The following LEPR variants were observed in gnomAD, a reference collection of about 807,000 sequenced individuals.
LEPR encodes the protein leptin receptor, also known as OB receptor.
In LEPR, 56 loss-of-function variants were observed where a neutral mutation model predicts 114.7. The ratio of observed to expected loss-of-function variants is 0.49; its 90% CI spans 0.39 to 0.61. The LOEUF (loss-of-function observed/expected upper bound fraction) is 0.61, where lower values mean the gene tolerates loss of function less well. Ranked by LOEUF, LEPR falls within the 20% of genes least tolerant of loss-of-function variation. LEPR has a pLI of 0.00. For missense variants in LEPR, 1,202 were observed against 1,352.9 expected (o/e 0.89, Z 1.75); for synonymous variants, 443 against 461.4 (o/e 0.96, Z 0.51).
intron 12 of LEPR, among the ~76,000 whole-genome samples, chr1:65,609,247 TAAAG>T: frequency 6.6e-6 from 1 of 152,332 alleles, no homozygotes; most frequent in South Asian, 2.1e-4. Context: ...GGTCCTTCAT[TAAAG>T]AAAAATTTGT....
chr1:65,637,506 AG>A lies in LEPR; in HGVS notation c.*495del, dbSNP rs1453861188. ...ATAAACAGAATTCAGCCCTGGCCTA[AG>A]GGGTTATACTTGTGAAGACTAATGA... is the stretch of plus-strand genomic sequence containing the variant. On this transcript the variant is annotated 3_prime_UTR_variant, in exon 20 of 20. Transcript: ENST00000349533. The A allele has an allele frequency of 6.4e-6, 1 of 156,280 alleles. No homozygotes were observed. Among genetic ancestry groups the A allele is most frequent in the Admixed American group, 6.2e-5 (1 of 16,132 alleles). 9.7% of individuals were successfully genotyped at this position (156,280 alleles called of 1,614,324 possible). A position where few individuals can be genotyped will look rare whatever the true frequency, so the allele number is the denominator to read the frequency against.
intron 2 of LEPR, among the ~76,000 whole-genome samples, chr1:65,447,663 C>T (rs1049461268): frequency 2.0e-5 from 3 of 151,428 alleles, no homozygotes; most frequent in Non-Finnish European, 4.4e-5. Context: ...CCCTTGAGTA[C>T]CTGGGACTAC....
rs1646535277 is a variant in LEPR, at chr1:65,434,732, G to C, written c.-21+9354G>C. ...CACCTCCTAATGCCCTTGAGATCCA[G>C]GTACACTCCTGGGAGTTTTGTTCAC... On this transcript the variant is annotated intron_variant, in intron 2 of 19. Transcript: ENST00000349533. 5 of 985,278 alleles carry C rather than the reference G, an allele frequency of 5.1e-6. No individual in the cohort carries two copies. In the South Asian group the frequency reaches 1.9e-4, roughly 37 times the overall value. 61.0% of individuals were successfully genotyped at this position (985,278 alleles called of 1,614,324 possible). A position where few individuals can be genotyped will look rare whatever the true frequency, so the allele number is the denominator to read the frequency against.
At chr1:65,616,912 G>A (rs1269915643) in intron 15 of LEPR, among the ~76,000 whole-genome samples, 1 of 152,038 alleles carries the variant, frequency 6.6e-6, no homozygotes, top group Non-Finnish European at 1.5e-5. Context: ...TTTGCTTATT[G>A]CTTTAATTGA....
chr1:65,514,136 T>A (rs112251099), intron 2 of LEPR, among the ~76,000 whole-genome samples: 1 of 152,252 alleles, frequency 6.6e-6, no homozygotes, highest in Non-Finnish European at 1.5e-5. Context: ...TCCAATTGAC[T>A]TGCCTTTCAA....
At chr1:65,598,872 T>G in intron 8 of LEPR, 68 bp downstream of exon 8, 2 of 1,605,992 alleles carry the variant, frequency 1.2e-6, no homozygotes, top group African/African-American at 2.7e-5. Flanking sequence ...TTGTATAGTA[T>G]AAGCATCTTA....
intron 2 of LEPR, among the ~76,000 whole-genome samples, chr1:65,443,552 A>G (rs1236470802): frequency 3.3e-5 from 5 of 151,952 alleles, no homozygotes; most frequent in South Asian, 2.1e-4. Context: ...CTCTAAATAT[A>G]TAAAAAGATA....
intron 2 of LEPR, among the ~76,000 whole-genome samples, chr1:65,534,913 A>C (rs951857582): frequency 6.6e-6 from 1 of 152,322 alleles, no homozygotes; most frequent in Admixed American, 6.5e-5. Context: ...GTGGAGGACA[A>C]CTTAGTTTTT....
chr1:65,548,507 A>C (rs1219188406), intron 2 of LEPR, among the ~76,000 whole-genome samples: 6 of 152,098 alleles, frequency 3.9e-5, no homozygotes, highest in Non-Finnish European at 8.8e-5. Flanking sequence ...TTGGGTGCAT[A>C]TATATTTAAG....
intron 2 of LEPR, among the ~76,000 whole-genome samples, chr1:65,529,416 G>A (rs1042720189): frequency 6.6e-6 from 1 of 151,948 alleles, no homozygotes; most frequent in Admixed American, 6.6e-5. Flanking sequence ...CAGCTACTCC[G>A]GAGGCTGAGG....
At chr1:65,614,307 AAT>A (rs1657393689) in intron 14 of LEPR, among the ~76,000 whole-genome samples, 1 of 152,228 alleles carries the variant, frequency 6.6e-6, no homozygotes, top group Admixed American at 6.5e-5. Flanking sequence ...AGTGAATCTT[AAT>A]GCATGTAGAT....
chr1:65,631,655 A>G (rs1445739061), intron 19 of LEPR, among the ~76,000 whole-genome samples: 1 of 152,100 alleles, frequency 6.6e-6, no homozygotes, highest in Non-Finnish European at 1.5e-5. Flanking sequence ...TCAGAATACC[A>G]TTTCTGTTTA....
intron 2 of LEPR, among the ~76,000 whole-genome samples, chr1:65,514,848 A>G (rs1304494850): frequency 6.6e-6 from 1 of 152,248 alleles, no homozygotes; most frequent in Non-Finnish European, 1.5e-5. Context: ...TTCTAAATCT[A>G]AGATACTGTC....
Position 65,448,284 on chromosome 1 carries a change from A to AT in LEPR, c.-21+22913dup, listed in dbSNP as rs544096986. ...CTGCATATATTAATATGATTATGTGATTTTTTTCCTTTAGCCTGTTGATGT... is the reference window on the plus strand; with the variant it reads ...CTGCATATATTAATATGATTATGTGATTTTTTTTCCTTTAGCCTGTTGATGT... On this transcript the variant is annotated intron_variant, in intron 2 of 19. Coordinates refer to ENST00000349533, the MANE Select transcript of LEPR (RefSeq NM_002303.6). Among the ~76,000 whole-genome samples the AT allele has an allele frequency of 2.2e-4, 33 of 152,134 alleles. No individual in the cohort carries two copies. The South Asian group carries it at 3.3e-3, about 15-fold the overall frequency.
chr1:65,618,283 T>C, intron 16 of LEPR, 137 bp downstream of exon 16: 1 of 646,406 alleles, frequency 1.5e-6, no homozygotes, highest in East Asian at 2.9e-5. Flanking sequence ...TATAATCCTA[T>C]AACCTTTATC....
intron 8 of LEPR, 145 bp downstream of exon 8, chr1:65,598,949 C>G: frequency 4.1e-6 from 5 of 1,207,916 alleles, no homozygotes; most frequent in Middle Eastern, 2.7e-4. Flanking sequence ...TTTGAACAGG[C>G]CAATTTGTGA....
intron 2 of LEPR, among the ~76,000 whole-genome samples, chr1:65,458,948 C>A (rs1469752104): frequency 6.6e-6 from 1 of 152,142 alleles, no homozygotes; most frequent in Non-Finnish European, 1.5e-5. Context: ...CAATTCTTAT[C>A]TCAGCCATAT....
intron 2 of LEPR, among the ~76,000 whole-genome samples, chr1:65,501,563 A>G (rs1426438107): frequency 6.6e-6 from 1 of 151,782 alleles, no homozygotes; most frequent in Non-Finnish European, 1.5e-5. Flanking sequence ...CATAGAGCCT[A>G]TTTTCAAATA....
chr1:65,608,834 T>A lies in LEPR; in HGVS notation c.1685T>A (p.Val562Asp). 1 of 1,613,774 alleles carries A rather than the reference T, an allele frequency of 6.2e-7. No homozygotes were observed. The highest frequency in any genetic ancestry group is 1.7e-5 in the Admixed American group (1 of 60,014). Residue 562 changes from valine (V) to aspartate (D), a missense_variant, in exon 12 of 20, where the codon GTC (valine) becomes GAC (aspartate). By Grantham distance (152) the Val-to-Asp change is radical. Transcript: ENST00000349533. ...TTGAAAATATCTTGGGAAAAGCCAGTCTTTCCAGAGAATAACCTTCAATTC... is the reference window on the plus strand; with the variant it reads ...TTGAAAATATCTTGGGAAAAGCCAGACTTTCCAGAGAATAACCTTCAATTC... Reference protein sequence around the residue: ...GLLKISWEKPVFPENNLQFQI... With the variant: ...GLLKISWEKPDFPENNLQFQI...
Sources: gnomAD v4.1 joint callset for allele counts (sites outside exome capture counted in the v4.1 genomes callset) on GRCh38, gnomAD v4.1.1 for gene constraint, MANE v1.5 for transcripts, NCBI Gene and HGNC (gene_info 2026-07-23, HGNC 2026-07-21) for gene names.